The following EXOC4 variants were observed in gnomAD, a reference collection of about 807,000 sequenced individuals.
EXOC4 encodes the protein exocyst complex component 4, also known as SEC8-like 1.
Under a neutral mutation model 107.2 loss-of-function variants are expected in EXOC4, and 71 were observed. That is an observed-to-expected ratio of 0.66 (90% CI 0.55 to 0.81). The LOEUF (loss-of-function observed/expected upper bound fraction) is 0.81, where lower values mean the gene tolerates loss of function less well. EXOC4 is among the 30% of genes least tolerant of loss of function. EXOC4 has a pLI of 0.00. For synonymous variants in EXOC4, 456 were observed against 441.2 expected (o/e 1.03, Z -0.42); for missense variants, 1,108 against 1,189.6 (o/e 0.93, Z 1.01).
At position 133,973,270 on chromosome 7, in the gene EXOC4, A is replaced by G. The variant is rs188293204; in HGVS notation, c.2207-24222A>G. The stretch of plus-strand genomic sequence containing the variant: ...AACATATAATTGGAATATATGATGT[A>G]TACATCTTAAGGGGAATGTAAGTAT... On this transcript the variant is annotated intron_variant, in intron 14 of 17. Transcript: ENST00000253861. Among the ~76,000 whole-genome samples the G allele has an allele frequency of 5.3e-5, 8 of 152,316 alleles. No homozygotes were observed. In the East Asian group the frequency reaches 7.7e-4, roughly 15 times the overall value.
intron 7 of EXOC4, among the ~76,000 whole-genome samples, chr7:133,412,037 A>T (rs1797368584): frequency 6.6e-6 from 1 of 151,992 alleles, no homozygotes; most frequent in African/African-American, 2.4e-5. Flanking sequence ...CTAATAATGC[A>T]GTTTACTTCT....
In EXOC4 at chr7:133,319,592, C is replaced by T. The variant is rs576364603; in HGVS notation, c.763+2202C>T. Among the ~76,000 whole-genome samples, 22 of 152,170 alleles carry T rather than the reference C, an allele frequency of 1.4e-4. No individual in the cohort carries two copies. The South Asian group carries it at 1.9e-3, about 13-fold the overall frequency. ...GCAACCTCCTCCTTCTGGGCTCATG[C>T]GATTCTCCTGCCTCAGCCTCCCAAG... On this transcript the variant is annotated intron_variant, in intron 5 of 17. Coordinates refer to ENST00000253861, the MANE Select transcript of EXOC4 (RefSeq NM_021807.4).
chr7:134,015,832 G>A (rs1013111676), intron 17 of EXOC4, among the ~76,000 whole-genome samples: 4 of 146,514 alleles, frequency 2.7e-5, no homozygotes, highest in Non-Finnish European at 4.5e-5. Flanking sequence ...CTGAGATCAC[G>A]CCACTGCACT....
rs1370888240 is a variant in EXOC4, at chr7:133,753,722, A to G, written c.1515-63603A>G. Among the ~76,000 whole-genome samples, 3 of 152,184 alleles carry G rather than the reference A, an allele frequency of 2.0e-5. No homozygotes were observed. The East Asian group carries it at 5.8e-4, about 29-fold the overall frequency. On this transcript the variant is annotated intron_variant, in intron 10 of 17. Coordinates refer to ENST00000253861, the MANE Select transcript of EXOC4 (RefSeq NM_021807.4). ...AATCTCACATTTTTGCACAGCTACA[A>G]GTTTCTCACTGTACCTAGCATGCTG...
At chr7:133,322,867 C>T (rs55865736) in intron 5 of EXOC4, among the ~76,000 whole-genome samples, 1 of 151,408 alleles carries the variant, frequency 6.6e-6, no homozygotes, top group South Asian at 2.1e-4. Context: ...AATGTTTTTC[C>T]GTTTGTGTCC....
At chr7:133,768,792 CCTT>C (rs1439286804) in intron 10 of EXOC4, among the ~76,000 whole-genome samples, 1 of 151,844 alleles carries the variant, frequency 6.6e-6, no homozygotes, top group Non-Finnish European at 1.5e-5. Context: ...AAGGCATGGC[CCTT>C]CTTCTCAGAG....
chr7:133,933,012 G>A (rs1800216242), intron 13 of EXOC4, among the ~76,000 whole-genome samples: 1 of 151,718 alleles, frequency 6.6e-6, no homozygotes, highest in East Asian at 1.9e-4. Context: ...GTAATGTTTC[G>A]TTCATAATTG....
At position 133,711,111 on chromosome 7, in the gene EXOC4, G is replaced by A. The variant is rs532582973; in HGVS notation, c.1514+80970G>A. Among the ~76,000 whole-genome samples the A allele has an allele frequency of 6.3e-4, 96 of 152,186 alleles. 1 individual carries two copies. Among genetic ancestry groups the A allele is most frequent in the Non-Finnish European group, 1.1e-3 (73 of 68,034 alleles). ...TTCTGTTGGTGATTGAGGCATTTCA[G>A]TGCACAACCAGGAAAATAATAGGTT... On this transcript the variant is annotated intron_variant, in intron 10 of 17. Coordinates refer to ENST00000253861, the MANE Select transcript of EXOC4 (RefSeq NM_021807.4).
intron 14 of EXOC4, among the ~76,000 whole-genome samples, chr7:133,947,144 T>C (rs140272867): frequency 4.7e-4 from 71 of 152,274 alleles, no homozygotes; most frequent in African/African-American, 1.4e-3. Context: ...TGCATACTCA[T>C]TGGGTTGCTC....
At chr7:133,537,236 C>A (rs768225717) in intron 9 of EXOC4, among the ~76,000 whole-genome samples, 1 of 151,798 alleles carries the variant, frequency 6.6e-6, no homozygotes, top group Admixed American at 6.6e-5. Context: ...CTGCAGCCTC[C>A]GCCTCCCAGG....
intron 5 of EXOC4, among the ~76,000 whole-genome samples, chr7:133,328,157 G>T (rs749586036): frequency 2.0e-5 from 3 of 152,050 alleles, no homozygotes; most frequent in African/African-American, 7.2e-5. Flanking sequence ...AGCTCTTCTT[G>T]TTGAATTGAT....
chr7:133,411,767 C>T (rs893668868), intron 7 of EXOC4, among the ~76,000 whole-genome samples: 1 of 152,068 alleles, frequency 6.6e-6, no homozygotes, highest in Non-Finnish European at 1.5e-5. Flanking sequence ...GAGAAGGCAT[C>T]TCCAGGTGCA....
At chr7:133,641,572 A>C (rs1488536837) in intron 10 of EXOC4, among the ~76,000 whole-genome samples, 1 of 152,166 alleles carries the variant, frequency 6.6e-6, no homozygotes, top group Non-Finnish European at 1.5e-5. Context: ...AAGTTTTAGT[A>C]CATCTGCAGC....
At chr7:133,580,978 G>A (rs1366616204) in intron 9 of EXOC4, among the ~76,000 whole-genome samples, 1 of 152,146 alleles carries the variant, frequency 6.6e-6, no homozygotes, top group Non-Finnish European at 1.5e-5. Context: ...AACTAACATA[G>A]GCCTCTTTCC....
chr7:133,517,822 C>G (rs1013586709), intron 9 of EXOC4, among the ~76,000 whole-genome samples: 1 of 152,106 alleles, frequency 6.6e-6, no homozygotes, highest in East Asian at 1.9e-4. Context: ...TTGTCTCTAA[C>G]TTATTTTGGA....
At chr7:133,339,361 G>A (rs1169115337) in intron 5 of EXOC4, among the ~76,000 whole-genome samples, 1 of 152,088 alleles carries the variant, frequency 6.6e-6, no homozygotes, top group East Asian at 1.9e-4. Context: ...TGTTCCATTG[G>A]TCAATGTGCC....
intron 6 of EXOC4, among the ~76,000 whole-genome samples, chr7:133,358,907 G>C (rs563420612): frequency 6.6e-6 from 1 of 152,132 alleles, no homozygotes; most frequent in East Asian, 1.9e-4. Flanking sequence ...TGAGGAATGA[G>C]TCAGCAGCAG....
chr7:133,743,907 G>A (rs552584124), intron 10 of EXOC4, among the ~76,000 whole-genome samples: 1 of 152,136 alleles, frequency 6.6e-6, no homozygotes, highest in Non-Finnish European at 1.5e-5. Flanking sequence ...CTAGGGGAAG[G>A]AGAAAACCAG....
At chr7:133,970,507 T>C (rs1801181284) in intron 14 of EXOC4, among the ~76,000 whole-genome samples, 1 of 152,124 alleles carries the variant, frequency 6.6e-6, no homozygotes. Context: ...GGTCTGCAGG[T>C]TGCAAAGACT....
Sources: gnomAD v4.1 joint callset for allele counts (sites outside exome capture counted in the v4.1 genomes callset) on GRCh38, gnomAD v4.1.1 for gene constraint, MANE v1.5 for transcripts, NCBI Gene and HGNC (gene_info 2026-07-23, HGNC 2026-07-21) for gene names.